REDIC1: variants seen among roughly 807,000 people sequenced by gnomAD.
REDIC1 encodes the protein HEI10 Interacting Protein 1.
At chr12:39,792,549 A>G in the REDIC1 span, among the ~76,000 whole-genome samples, 1 of 152,194 alleles carries the variant, frequency 6.6e-6, no homozygotes, top group South Asian at 2.1e-4. Context: ...GGGCAGCACA[A>G]TTCTAGATAC....
chr12:39,639,923 A>G, the REDIC1 span, among the ~76,000 whole-genome samples: 1 of 151,952 alleles, frequency 6.6e-6, no homozygotes, highest in African/African-American at 2.4e-5. Flanking sequence ...TAATACTGTC[A>G]TGAATATTTT....
At chr12:39,902,287 A>G in the REDIC1 span, among the ~76,000 whole-genome samples, 1 of 151,962 alleles carries the variant, frequency 6.6e-6, no homozygotes, top group Non-Finnish European at 1.5e-5. Context: ...ACATGTATAC[A>G]TATGTAACTA....
At chr12:39,711,954 C>CAT in the REDIC1 span, among the ~76,000 whole-genome samples, 2 of 126,792 alleles carry the variant, frequency 1.6e-5, no homozygotes, top group Non-Finnish European at 3.4e-5. Flanking sequence ...TGTATACATA[C>CAT]ATATATATCT....
the REDIC1 span, among the ~76,000 whole-genome samples, chr12:39,886,375 C>A: frequency 1.3e-5 from 2 of 151,934 alleles, no homozygotes; most frequent in African/African-American, 4.8e-5. Context: ...AACATGCTTG[C>A]TCAATTATTA....
the REDIC1 span, among the ~76,000 whole-genome samples, chr12:39,738,628 T>C: frequency 6.6e-6 from 1 of 152,238 alleles, no homozygotes; most frequent in African/African-American, 2.4e-5. Context: ...CAAAAATATC[T>C]TTTTACTATC....
the REDIC1 span, chr12:39,721,663 A>G: frequency 6.4e-6 from 1 of 156,882 alleles, no homozygotes; most frequent in African/African-American, 2.4e-5. Context: ...CAAGATATTT[A>G]AGATAGAAAA....
At chr12:39,683,374 A>G in the REDIC1 span, 2 of 1,406,262 alleles carry the variant, frequency 1.4e-6, no homozygotes, top group Non-Finnish European at 2.0e-6. Flanking sequence ...AAAATAGACT[A>G]TGCTAAATTT....
the REDIC1 span, chr12:39,764,512 A>C: frequency 1.9e-5 from 31 of 1,611,064 alleles, no homozygotes; most frequent in Non-Finnish European, 2.5e-5. Context: ...AAACCAGGAC[A>C]TTGAAAATCC....
At chr12:39,892,086 C>G in the REDIC1 span, among the ~76,000 whole-genome samples, 1 of 152,008 alleles carries the variant, frequency 6.6e-6, no homozygotes, top group African/African-American at 2.4e-5. Flanking sequence ...TGCAAATTAC[C>G]AAAAAGCATT....
chr12:39,692,900 C>T, the REDIC1 span, among the ~76,000 whole-genome samples: 1 of 152,000 alleles, frequency 6.6e-6, no homozygotes, highest in African/African-American at 2.4e-5. Context: ...CAGTTGTACC[C>T]CTCTTAGCAA....
At chr12:39,721,810 T>C in the REDIC1 span, 2 of 151,962 alleles carry the variant, frequency 1.3e-5, no homozygotes, top group African/African-American at 2.4e-5. Context: ...ATAGTTTTTT[T>C]GTTGGTGCTA....
the REDIC1 span, among the ~76,000 whole-genome samples, chr12:39,896,576 G>GTGTATACATGTATACATATATGTATGTA: frequency 2.0e-5 from 2 of 97,566 alleles, no homozygotes; most frequent in East Asian, 1.1e-3. Context: ...ATGTATGTAT[G>GTGTATACATGTATACATATATGTATGTA]TGTGTATATA....
the REDIC1 span, among the ~76,000 whole-genome samples, chr12:39,899,225 G>A: frequency 9.9e-5 from 15 of 152,122 alleles, no homozygotes; most frequent in African/African-American, 2.9e-4. Context: ...TGTATGTGTC[G>A]AGGAATTTAT....
chr12:39,875,949 G>A, the REDIC1 span, among the ~76,000 whole-genome samples: 1 of 152,108 alleles, frequency 6.6e-6, no homozygotes, highest in South Asian at 2.1e-4. Context: ...AAGGCATAAG[G>A]GAACCCTCTT....
At chr12:39,647,957 G>GA in the REDIC1 span, 8 of 1,559,646 alleles carry the variant, frequency 5.1e-6, no homozygotes, top group East Asian at 2.4e-5. Context: ...ACTTGCATAT[G>GA]AAAAAAAGCA....
the REDIC1 span, among the ~76,000 whole-genome samples, chr12:39,775,375 C>T: frequency 5.3e-5 from 8 of 152,214 alleles, no homozygotes; most frequent in African/African-American, 1.7e-4. Flanking sequence ...AAATCCAGGA[C>T]ATGAGGATGT....
the REDIC1 span, chr12:39,682,624 A>T: frequency 6.3e-7 from 1 of 1,579,022 alleles, no homozygotes; most frequent in Non-Finnish European, 8.6e-7. Context: ...AGGAAATAGG[A>T]ATTTACTTAC....
chr12:39,811,682 T>G, the REDIC1 span, among the ~76,000 whole-genome samples: 8 of 152,210 alleles, frequency 5.3e-5, no homozygotes, highest in African/African-American at 1.9e-4. Context: ...TTAAGAATTG[T>G]ATGTCTTGAT....
the REDIC1 span, among the ~76,000 whole-genome samples, chr12:39,836,087 G>A: frequency 6.6e-6 from 1 of 152,060 alleles, no homozygotes; most frequent in East Asian, 1.9e-4. Flanking sequence ...GAAAGAAAGA[G>A]CTCTCTTTGA....
Sources: allele counts gnomAD v4.1 joint callset (sites outside exome capture counted in the v4.1 genomes callset), GRCh38; gene constraint gnomAD v4.1.1; transcripts MANE v1.5; gene names NCBI Gene and HGNC (gene_info 2026-07-23, HGNC 2026-07-21).